ZMYM2: variants seen among roughly 807,000 people sequenced by gnomAD.
The protein encoded by ZMYM2 is zinc finger MYM-type containing 2, also known as zinc finger MYM-type protein 2.
ZMYM2 carries 56 observed loss-of-function variants against 162.8 expected under a neutral mutation model. The observed-to-expected ratio is 0.34, with a 90% CI of 0.28 to 0.43. The LOEUF is 0.43. Ranked by LOEUF, ZMYM2 falls within the 20% of genes least tolerant of loss-of-function variation. The pLI, the probability that ZMYM2 is intolerant of heterozygous loss-of-function variation, is 1.00. For synonymous variants in ZMYM2, 510 were observed against 541.6 expected (o/e 0.94, Z 0.81); for missense variants, 1,275 against 1,621.8 (o/e 0.79, Z 3.67).
intron 2 of ZMYM2, among the ~76,000 whole-genome samples, chr13:19,965,509 A>T (rs1955667642): frequency 1.3e-5 from 2 of 152,224 alleles, no homozygotes; most frequent in South Asian, 4.1e-4. Flanking sequence ...TATATATTAG[A>T]TAGTCATAAA....
chr13:20,081,284 T>G (rs902436353), intron 21 of ZMYM2, among the ~76,000 whole-genome samples: 1 of 152,238 alleles, frequency 6.6e-6, no homozygotes, highest in African/African-American at 2.4e-5. Flanking sequence ...ACATGTAGTT[T>G]AAGAGCCTTA....
rs761198112 is a variant in ZMYM2 at position 20,034,373 on chromosome 13, C to T, written c.2088C>T (p.Phe696=). Residue 696 remains phenylalanine, a synonymous_variant, in exon 11 of 25, where the codon TTC becomes TTT. Transcript: ENST00000610343. ...AGACTCTTCATGAAACAGTAAATTT[C>T]TCTGGCGTTAAGAGACCTTTCTGTA... ...EEKTLHETVN[F]SGVKRPFCSE... The T allele has an allele frequency of 2.5e-6, 4 of 1,605,058 alleles. No homozygotes were observed. Among genetic ancestry groups the T allele is most frequent in the Non-Finnish European group, 3.4e-6 (4 of 1,176,688 alleles).
At chr13:19,896,569 A>G in the ZMYM2 span, among the ~76,000 whole-genome samples, 28 of 150,512 alleles carry the variant, frequency 1.9e-4, no homozygotes, top group Admixed American at 1.8e-3. Flanking sequence ...ATCCTGGCTA[A>G]CACTGTGAAA....
intron 3 of ZMYM2, among the ~76,000 whole-genome samples, chr13:19,999,653 T>C (rs1007794054): frequency 6.6e-6 from 1 of 152,248 alleles, no homozygotes; most frequent in South Asian, 2.1e-4. Context: ...TAGACCTGTT[T>C]AGGCTTAGTG....
At chr13:19,918,978 A>G in the ZMYM2 span, among the ~76,000 whole-genome samples, 2 of 152,058 alleles carry the variant, frequency 1.3e-5, no homozygotes, top group African/African-American at 2.4e-5. Context: ...TATCACCTCA[A>G]AGATGTCCCA....
At chr13:19,994,708 C>G (rs1333568652) in intron 3 of ZMYM2, among the ~76,000 whole-genome samples, 1 of 151,736 alleles carries the variant, frequency 6.6e-6, no homozygotes, top group East Asian at 1.9e-4. Flanking sequence ...AGGCTGGTCT[C>G]AAACTCCTGA....
At chr13:19,949,891 AAAAAAAAG>A in the ZMYM2 span, among the ~76,000 whole-genome samples, 1 of 146,032 alleles carries the variant, frequency 6.8e-6, no homozygotes, top group East Asian at 2.0e-4. Context: ...TGTCAAAAAA[AAAAAAAAG>A]AAAAGAAAAG....
At chr13:19,864,657 G>A in the ZMYM2 span, 1 of 152,678 alleles carries the variant, frequency 6.5e-6, no homozygotes, top group Non-Finnish European at 1.5e-5. Flanking sequence ...CCCTGCCTAG[G>A]CCTTTTTACT....
rs371651296 is a variant in ZMYM2, at chr13:20,069,114, A to G, written c.3453+1724A>G. ...CTTGCAAAATATAACTGATTTTTAT[A>G]TATTCATCAGTTCACTATTCTAGTA... On this transcript the variant is annotated intron_variant, in intron 21 of 24. Coordinates refer to ENST00000610343, the MANE Select transcript of ZMYM2 (RefSeq NM_197968.4). Among the ~76,000 whole-genome samples the G allele has an allele frequency of 1.5e-4, 23 of 152,256 alleles. No individual in the cohort carries two copies. The East Asian group carries it at 2.5e-3, about 17-fold the overall frequency.
chr13:20,083,095 T>A (rs1041520108), intron 23 of ZMYM2, 63 bp downstream of exon 23: 1 of 1,456,208 alleles, frequency 6.9e-7, no homozygotes, highest in African/African-American at 1.4e-5. Flanking sequence ...AGAGTTTCAC[T>A]CTTGTTGCCC....
At chr13:20,028,425 ATAAAC>A (rs776084808) in intron 9 of ZMYM2, among the ~76,000 whole-genome samples, 1 of 152,182 alleles carries the variant, frequency 6.6e-6, no homozygotes, top group Non-Finnish European at 1.5e-5. Context: ...ATATTGTTGG[ATAAAC>A]TAAACTGATA....
chr13:19,910,091 G>A, the ZMYM2 span, among the ~76,000 whole-genome samples: 1 of 151,804 alleles, frequency 6.6e-6, no homozygotes, highest in Non-Finnish European at 1.5e-5. Context: ...GCTGAGCGTG[G>A]TGGCGGGTGC....
chr13:20,059,330 T>A (rs201270784), intron 15 of ZMYM2, 117 bp from the exon 16 acceptor site: 7 of 758,640 alleles, frequency 9.2e-6, no homozygotes, highest in Admixed American at 4.1e-5. Flanking sequence ...AACTGGGAAT[T>A]AAAAAAAAAA....
intron 20 of ZMYM2, 101 bp downstream of exon 20, chr13:20,067,120 C>G: frequency 7.2e-7 from 1 of 1,381,208 alleles, no homozygotes; most frequent in Non-Finnish European, 9.6e-7. Flanking sequence ...ACTTAAAATA[C>G]CTGTAAGAAT....
At chr13:19,887,327 C>T in the ZMYM2 span, among the ~76,000 whole-genome samples, 6 of 151,494 alleles carry the variant, frequency 4.0e-5, no homozygotes, top group South Asian at 1.2e-3. Context: ...TCAGGAGTTC[C>T]AGACCAGCCT....
At chr13:19,913,196 C>T in the ZMYM2 span, among the ~76,000 whole-genome samples, 3 of 152,252 alleles carry the variant, frequency 2.0e-5, no homozygotes, top group South Asian at 6.2e-4. Context: ...TGAAGGAAAG[C>T]TCTGCCATGC....
At chr13:20,058,472 C>A in intron 14 of ZMYM2, 103 bp from the exon 15 acceptor site, 3 of 1,389,764 alleles carry the variant, frequency 2.2e-6, no homozygotes, top group Non-Finnish European at 2.9e-6. Flanking sequence ...TCCTCTTCTG[C>A]TTTTGTGTGT....
chr13:20,075,857 T>TA (rs1957460442), intron 21 of ZMYM2, among the ~76,000 whole-genome samples: 1 of 150,192 alleles, frequency 6.7e-6, no homozygotes, highest in East Asian at 2.0e-4. Context: ...GCTAGTTGGG[T>TA]TTTTTTTCCC....
Position 20,034,318 on chromosome 13 carries a change from T to C in ZMYM2, c.2033T>C (p.Val678Ala). The C allele has an allele frequency of 6.2e-7, 1 of 1,611,794 alleles. No individual in the cohort carries two copies. The highest frequency in any genetic ancestry group is 8.5e-7 in the Non-Finnish European group (1 of 1,179,176). Residue 678 changes from valine to alanine, a missense_variant, in exon 11 of 25, where the codon GTT (valine) becomes GCT (alanine). Physicochemically the swap from Val to Ala is moderately conservative, Grantham distance 64. This residue lies in a region of ZMYM2 where 3 missense variants were observed against 16.8 expected (regional missense o/e 0.18). Coordinates refer to ENST00000610343, the MANE Select transcript of ZMYM2 (RefSeq NM_197968.4). Reference sequence around the variant, plus strand: ...GACTATAAGAAGTTGCATTGCATAGTTACATATTGCGAATACTGTCAAGAG... The same window carrying C: ...GACTATAAGAAGTTGCATTGCATAGCTACATATTGCGAATACTGTCAAGAG... ...SDDYKKLHCI[V>A]TYCEYCQEEK...
Sources: gnomAD v4.1 joint callset for allele counts (sites outside exome capture counted in the v4.1 genomes callset) on GRCh38, gnomAD v4.1.1 for gene constraint, gnomAD v4.1.1 regional missense constraint, MANE v1.5 for transcripts, NCBI Gene and HGNC (gene_info 2026-07-23, HGNC 2026-07-21) for gene names.